TBC1D22A: variants seen among roughly 807,000 people sequenced by gnomAD.
TBC1D22A encodes the protein putative GTPase activator.
A neutral mutation model predicts 60.2 loss-of-function variants in TBC1D22A; 38 were observed. That is an observed-to-expected ratio of 0.63 (90% CI 0.49 to 0.83). TBC1D22A has a LOEUF of 0.83. TBC1D22A is among the 40% of genes least tolerant of loss of function. The probability of loss-of-function intolerance (pLI) is 0.00; values close to 1 mark genes in which losing one functional copy is unlikely to be tolerated. For synonymous variants in TBC1D22A, 302 were observed against 281.7 expected, an observed-to-expected ratio of 1.07 and a Z score of -0.72; for missense variants, 628 against 701.0, an observed-to-expected ratio of 0.90 and a Z score of 1.18.
At chr22:47,165,716 T>C (rs2068180120) in intron 12 of TBC1D22A, among the ~76,000 whole-genome samples, 1 of 152,024 alleles carries the variant, frequency 6.6e-6, no homozygotes, top group South Asian at 2.1e-4. Flanking sequence ...TCAAGAGAAA[T>C]GCCCGAGGGC....
intron 4 of TBC1D22A, among the ~76,000 whole-genome samples, chr22:46,841,328 C>T (rs902335525): frequency 3.3e-5 from 5 of 152,172 alleles, no homozygotes; most frequent in African/African-American, 4.8e-5. Flanking sequence ...CCCTTTTGGC[C>T]GTTCCGCCAT....
In TBC1D22A at chr22:46,844,264, G is replaced by T. The variant is rs573766664; in HGVS notation, c.638-34389G>T. 1.6e-4 allele frequency among the ~76,000 whole-genome samples: 25 copies of T among 152,170 alleles called. No homozygotes were observed. The South Asian group carries it at 4.4e-3, about 27-fold the overall frequency. ...GGTGCCCATGTCCAGCAGTCACTGA[G>T]TACACCGTTAACTGCTGTGTAGACC... On this transcript the variant is annotated intron_variant, in intron 4 of 12. Transcript: ENST00000337137.
intron 12 of TBC1D22A, among the ~76,000 whole-genome samples, chr22:47,112,009 C>A (rs922493039): frequency 3.9e-5 from 6 of 152,222 alleles, no homozygotes; most frequent in African/African-American, 1.4e-4. Flanking sequence ...GGGGTGCCTT[C>A]CAGCCAGGCC....
intron 4 of TBC1D22A, among the ~76,000 whole-genome samples, chr22:46,876,288 AC>A (rs1433926742): frequency 1.3e-5 from 2 of 152,168 alleles, no homozygotes; most frequent in Admixed American, 1.3e-4. Flanking sequence ...ATTTAGATAA[AC>A]TTACTTCATA....
chr22:47,151,895 C>G (rs1476536932), intron 12 of TBC1D22A, among the ~76,000 whole-genome samples: 1 of 152,208 alleles, frequency 6.6e-6, no homozygotes, highest in East Asian at 1.9e-4. Context: ...CTGCACTTTT[C>G]AAGCTGATGG....
At chr22:46,829,533 C>G (rs2086217437) in intron 4 of TBC1D22A, among the ~76,000 whole-genome samples, 1 of 152,208 alleles carries the variant, frequency 6.6e-6, no homozygotes, top group Non-Finnish European at 1.5e-5. Flanking sequence ...AATACATCTG[C>G]TTCACATTGC....
At chr22:47,149,280 C>T (rs572372039) in intron 12 of TBC1D22A, among the ~76,000 whole-genome samples, 4 of 152,334 alleles carry the variant, frequency 2.6e-5, no homozygotes, top group East Asian at 1.9e-4. Flanking sequence ...GCAGGAATCA[C>T]GGACGCTCAC....
At chr22:46,954,429 C>A (rs1473424876) in intron 8 of TBC1D22A, among the ~76,000 whole-genome samples, 1 of 152,204 alleles carries the variant, frequency 6.6e-6, no homozygotes, top group African/African-American at 2.4e-5. Context: ...TTGTGCAGGT[C>A]AGATACGTTG....
chr22:47,150,578 C>T (rs566073378), intron 12 of TBC1D22A, among the ~76,000 whole-genome samples: 46 of 152,336 alleles, frequency 3.0e-4, no homozygotes, highest in African/African-American at 1.1e-3. Flanking sequence ...GCCTCTGCAC[C>T]TGGGTGCCTG....
At chr22:47,024,294 GA>G (rs2062181474) in intron 10 of TBC1D22A, among the ~76,000 whole-genome samples, 1 of 152,200 alleles carries the variant, frequency 6.6e-6, no homozygotes, top group Non-Finnish European at 1.5e-5. Flanking sequence ...CCAAAAAAAG[GA>G]AAAGTGGAAC....
chr22:46,992,319 C>T (rs136138), intron 9 of TBC1D22A, among the ~76,000 whole-genome samples: 37,461 of 152,254 alleles, frequency 0.25, 4,948 homozygotes, highest in East Asian at 0.3. Flanking sequence ...CGAAACGTTG[C>T]CTGCTGGGGA....
rs1485854698 is a variant in TBC1D22A, at chr22:46,868,024, C to G, written c.638-10629C>G. 3.9e-5 allele frequency among the ~76,000 whole-genome samples: 6 copies of G among 152,342 alleles called. No individual in the cohort carries two copies. In the East Asian group the frequency reaches 1.2e-3, roughly 29 times the overall value. On this transcript the variant is annotated intron_variant, in intron 4 of 12. Transcript: ENST00000337137. ...GGAAACCCAGCACTGTAGATGGAGA[C>G]TGGAAGCCGCCATTGTTTGTTGCTG...
chr22:46,832,457 T>C (rs1569104664), intron 4 of TBC1D22A, among the ~76,000 whole-genome samples: 2 of 152,170 alleles, frequency 1.3e-5, no homozygotes, highest in Non-Finnish European at 2.9e-5. Flanking sequence ...GAGACAAGCC[T>C]GGCCAACATG....
rs1220283457 is a variant in TBC1D22A at position 47,173,486 on chromosome 22, CT to C, written c.1426-9del. ...CACCTCCTCTGACCTGGGCTTGTCT[CT>C]TTCTCCCCAGGAGCTGCTGCTCTTC... On this transcript the variant is annotated splice_polypyrimidine_tract_variant and intron_variant, in intron 12 of 12. Transcript: ENST00000337137. 1 of 1,613,770 alleles carries C rather than the reference CT, an allele frequency of 6.2e-7. No homozygotes were observed. The highest frequency in any genetic ancestry group is 8.5e-7 in the Non-Finnish European group (1 of 1,179,780).
chr22:46,778,594 A>G (rs1465843074), intron 1 of TBC1D22A, among the ~76,000 whole-genome samples: 3 of 152,150 alleles, frequency 2.0e-5, no homozygotes, highest in Non-Finnish European at 4.4e-5. Flanking sequence ...TTCGGGGGCA[A>G]TAACATGCAT....
At chr22:47,120,342 G>A (rs960238569) in intron 12 of TBC1D22A, among the ~76,000 whole-genome samples, 8 of 152,182 alleles carry the variant, frequency 5.3e-5, no homozygotes, top group South Asian at 2.1e-4. Context: ...AGATCAGGAC[G>A]ATTTCTTCTG....
At chr22:46,881,536 G>A (rs960393067) in intron 5 of TBC1D22A, among the ~76,000 whole-genome samples, 5 of 152,208 alleles carry the variant, frequency 3.3e-5, no homozygotes, top group African/African-American at 9.7e-5. Flanking sequence ...CACGCATTCA[G>A]AGATTCTTGT....
intron 12 of TBC1D22A, among the ~76,000 whole-genome samples, chr22:47,121,813 G>A (rs2066280232): frequency 1.3e-5 from 2 of 151,966 alleles, no homozygotes. Context: ...GTGGGGATTC[G>A]GCTGCTTTGT....
At chr22:46,776,679 T>C (rs1213530007) in intron 1 of TBC1D22A, among the ~76,000 whole-genome samples, 1 of 151,744 alleles carries the variant, frequency 6.6e-6, no homozygotes, top group Non-Finnish European at 1.5e-5. Flanking sequence ...GTGAGAACCA[T>C]GGCCGTGGGG....
Sources: gnomAD v4.1 joint callset for allele counts (sites outside exome capture counted in the v4.1 genomes callset) on GRCh38, gnomAD v4.1.1 for gene constraint, MANE v1.5 for transcripts, NCBI Gene and HGNC (gene_info 2026-07-23, HGNC 2026-07-21) for gene names.